Variants in PTPRD observed in about 807,000 individuals in gnomAD.
PTPRD encodes the protein protein tyrosine phosphatase receptor type D.
In PTPRD, 34 loss-of-function variants were observed where a neutral mutation model predicts 214.5. That is an observed-to-expected ratio of 0.16 (90% CI 0.12 to 0.21). PTPRD has a LOEUF of 0.21. PTPRD is among the 10% of genes least tolerant of loss of function. The pLI is 1.00. For synonymous variants in PTPRD, 1,128 were observed against 845.7 expected (o/e 1.33, Z -5.79); for missense variants, 2,545 against 2,398.7 (o/e 1.06, Z -1.27).
At chr9:9,959,204 A>G (rs1474533048) in intron 4 of PTPRD, among the ~76,000 whole-genome samples, 1 of 152,220 alleles carries the variant, frequency 6.6e-6, no homozygotes, top group Non-Finnish European at 1.5e-5. Context: ...GTAATCTTAA[A>G]TGCACCTTTG....
intron 34 of PTPRD, chr9:8,437,276 G>T: frequency 7.1e-7 from 1 of 1,403,450 alleles, no homozygotes; most frequent in Non-Finnish European, 9.5e-7. Flanking sequence ...AAATAAAATA[G>T]AACAAATTCT....
chr9:8,796,535 G>C (rs2096430010), intron 11 of PTPRD, among the ~76,000 whole-genome samples: 1 of 152,062 alleles, frequency 6.6e-6, no homozygotes, highest in Admixed American at 6.5e-5. Context: ...GAATTTAACT[G>C]TCTCTCTCCT....
chr9:9,065,732 G>C (rs955856999), intron 10 of PTPRD, among the ~76,000 whole-genome samples: 1 of 152,138 alleles, frequency 6.6e-6, no homozygotes, highest in South Asian at 2.1e-4. Context: ...TCCCTCTCAA[G>C]TCAAATTCTC....
chr9:9,221,073 G>A (rs757159498), intron 9 of PTPRD, among the ~76,000 whole-genome samples: 1 of 152,072 alleles, frequency 6.6e-6, no homozygotes, highest in African/African-American at 2.4e-5. Flanking sequence ...CAGAGGCTGA[G>A]GCCATGAAAT....
At chr9:9,278,329 A>T (rs984686614) in intron 9 of PTPRD, among the ~76,000 whole-genome samples, 2 of 151,324 alleles carry the variant, frequency 1.3e-5, no homozygotes, top group African/African-American at 4.8e-5. Flanking sequence ...TGTACTAATT[A>T]TAGGCGTGTA....
chr9:9,777,432 T>C (rs945918061), intron 5 of PTPRD, among the ~76,000 whole-genome samples: 2 of 152,088 alleles, frequency 1.3e-5, no homozygotes, highest in African/African-American at 4.8e-5. Context: ...TGGTGGCTAA[T>C]GCTTGTAATC....
At chr9:8,335,540 C>T (rs13291255) in intron 43 of PTPRD, among the ~76,000 whole-genome samples, 87,020 of 151,976 alleles carry the variant, frequency 0.57, 26,342 homozygotes, top group Non-Finnish European at 0.68. Flanking sequence ...ACTGTCATAA[C>T]GAATGGGCAA....
intron 10 of PTPRD, among the ~76,000 whole-genome samples, chr9:9,083,326 G>A (rs1277859745): frequency 1.3e-5 from 2 of 152,140 alleles, no homozygotes; most frequent in East Asian, 3.9e-4. Context: ...AATAATCCTG[G>A]TGTTGGGAAA....
chr9:8,460,418 AAAG>A lies in PTPRD; in HGVS notation c.3865_3867del (p.Leu1289del), dbSNP rs773436387. 2.5e-6 allele frequency: 4 copies of A among 1,610,560 alleles called. No individual in the cohort carries two copies. The highest frequency in any genetic ancestry group is 1.1e-5 in the South Asian group (1 of 90,018). On this transcript the variant is annotated inframe_deletion, in exon 33 of 46. Coordinates refer to ENST00000381196, the MANE Select transcript of PTPRD (RefSeq NM_002839.4). ...AATATTGGGCAAACCTACCTTTTAT[AAAG>A]AAGAATAGCAATGACAATGCAGATG...
chr9:8,316,010 C>T lies in PTPRD; in HGVS notation c.*1864G>A, dbSNP rs1030624178. 1.3e-5 allele frequency: 3 copies of T among 227,662 alleles called. No homozygotes were observed. Among genetic ancestry groups the T allele is most frequent in the African/African-American group, 6.7e-5 (3 of 44,950 alleles). 14.1% of individuals were successfully genotyped at this position (227,662 alleles called of 1,614,324 possible). A position where few individuals can be genotyped will look rare whatever the true frequency, so the allele number is the denominator to read the frequency against. On this transcript the variant is annotated 3_prime_UTR_variant, in exon 46 of 46. Coordinates refer to ENST00000381196, the MANE Select transcript of PTPRD (RefSeq NM_002839.4). Reference sequence around the variant, plus strand: ...AATATCAAATATATTCCAAAGTTGCCAATGATATTTGTTACTAAAATAAGT... The same window carrying T: ...AATATCAAATATATTCCAAAGTTGCTAATGATATTTGTTACTAAAATAAGT...
rs573685779 is a variant in PTPRD at position 8,371,815 on chromosome 9, A to C, written c.4661+4121T>G. On this transcript the variant is annotated intron_variant, in intron 39 of 45. Coordinates refer to ENST00000381196, the MANE Select transcript of PTPRD (RefSeq NM_002839.4). The stretch of plus-strand genomic sequence containing the variant: ...ATCAGGTAGAGAAGGGGAATTGTTG[A>C]AATTCTAGACCAGATAAATATCTTT... 4.6e-5 allele frequency among the ~76,000 whole-genome samples: 7 copies of C among 152,206 alleles called. No homozygotes were observed. The East Asian group carries it at 5.8e-4, about 13-fold the overall frequency.
chr9:10,597,289 A>T (rs2076844007), intron 2 of PTPRD, among the ~76,000 whole-genome samples: 1 of 151,682 alleles, frequency 6.6e-6, no homozygotes, highest in African/African-American at 2.4e-5. Context: ...ACATGTTACT[A>T]TCTTTATATC....
chr9:8,467,080 C>G (rs2096559262), intron 31 of PTPRD, among the ~76,000 whole-genome samples: 1 of 151,848 alleles, frequency 6.6e-6, no homozygotes, highest in African/African-American at 2.4e-5. Context: ...TTTTCAGTTA[C>G]AGGAAAATTT....
At chr9:9,802,746 C>A (rs1428365712) in intron 5 of PTPRD, among the ~76,000 whole-genome samples, 1 of 151,716 alleles carries the variant, frequency 6.6e-6, no homozygotes, top group Non-Finnish European at 1.5e-5. Flanking sequence ...ATACACCTAT[C>A]AGTTTTTTCT....
chr9:8,472,777 A>G (rs964185187), intron 30 of PTPRD, among the ~76,000 whole-genome samples: 1 of 152,194 alleles, frequency 6.6e-6, no homozygotes, highest in Admixed American at 6.6e-5. Context: ...GAAAACTTAA[A>G]ATGTCACATG....
intron 10 of PTPRD, among the ~76,000 whole-genome samples, chr9:9,031,427 G>A (rs531885620): frequency 6.6e-6 from 1 of 152,114 alleles, no homozygotes; most frequent in South Asian, 2.1e-4. Flanking sequence ...ATAGCCTATA[G>A]CTCCTAGGTC....
Position 9,551,567 on chromosome 9 carries a change from T to G in PTPRD, c.-237+23165A>C, listed in dbSNP as rs192662453. ...GGTTCGCATAAAGCTGGATTTGATC[T>G]TCCAGAGTACAGGCTGAAGATATTA... On this transcript the variant is annotated intron_variant, in intron 8 of 45. Coordinates refer to ENST00000381196, the MANE Select transcript of PTPRD (RefSeq NM_002839.4). Among the ~76,000 whole-genome samples, 103 of 152,128 alleles carry G rather than the reference T, an allele frequency of 6.8e-4. 1 individual carries two copies. The highest frequency in any genetic ancestry group is 7.1e-4 in the Non-Finnish European group (48 of 67,940).
Position 9,561,731 on chromosome 9 carries a change from T to C in PTPRD, c.-237+13001A>G, listed in dbSNP as rs1366503580. Reference sequence around the variant, plus strand: ...ATCCGTGTTGGTAAAAATCTGTTTCTCTTCAGAGGTGATGAGATCTTTTCT... The same window carrying C: ...ATCCGTGTTGGTAAAAATCTGTTTCCCTTCAGAGGTGATGAGATCTTTTCT... On this transcript the variant is annotated intron_variant, in intron 8 of 45. Coordinates refer to ENST00000381196, the MANE Select transcript of PTPRD (RefSeq NM_002839.4). 2.0e-5 allele frequency among the ~76,000 whole-genome samples: 3 copies of C among 152,244 alleles called. No homozygotes were observed. In the East Asian group the frequency reaches 5.8e-4, roughly 29 times the overall value.
At chr9:9,183,078 C>G (rs1268652512) in intron 10 of PTPRD, among the ~76,000 whole-genome samples, 6 of 152,006 alleles carry the variant, frequency 3.9e-5, no homozygotes, top group East Asian at 1.9e-4. Context: ...AAAAATAAAT[C>G]TCTCATTGAC....
Sources: gnomAD v4.1 joint callset for allele counts (sites outside exome capture counted in the v4.1 genomes callset) on GRCh38, gnomAD v4.1.1 for gene constraint, MANE v1.5 for transcripts, NCBI Gene and HGNC (gene_info 2026-07-23, HGNC 2026-07-21) for gene names.